Variants in ARHGEF11 observed in about 807,000 individuals in gnomAD.
ARHGEF11 encodes the protein Rho guanine nucleotide exchange factor 11.
A neutral mutation model predicts 193.7 loss-of-function variants in ARHGEF11; 55 were observed. The observed-to-expected ratio is 0.28, with a 90% CI of 0.23 to 0.36. The LOEUF (loss-of-function observed/expected upper bound fraction) is 0.36. ARHGEF11 is among the 10% of genes least tolerant of loss of function. The probability of loss-of-function intolerance (pLI) is 1.00; values close to 1 mark genes in which losing one functional copy is unlikely to be tolerated. For synonymous variants in ARHGEF11, 693 were observed against 768.0 expected, an observed-to-expected ratio of 0.90 and a Z score of 1.62; for missense variants, 1,723 against 2,005.6, an observed-to-expected ratio of 0.86 and a Z score of 2.69.
At chr1:156,982,681 A>G (rs1383881241) in intron 3 of ARHGEF11, among the ~76,000 whole-genome samples, 2 of 152,098 alleles carry the variant, frequency 1.3e-5, no homozygotes, top group Non-Finnish European at 2.9e-5. Context: ...GGTAAAGGAG[A>G]GCTGAACCTT....
At chr1:157,016,618 AG>A (rs1669266616) in intron 1 of ARHGEF11, among the ~76,000 whole-genome samples, 1 of 152,138 alleles carries the variant, frequency 6.6e-6, no homozygotes, top group African/African-American at 2.4e-5. Flanking sequence ...TGTATTTTTA[AG>A]CGTTTTCATC....
intron 1 of ARHGEF11, among the ~76,000 whole-genome samples, chr1:157,016,424 T>C (rs1056185711): frequency 5.3e-5 from 8 of 152,164 alleles, no homozygotes; most frequent in Non-Finnish European, 1.0e-4. Context: ...TTCACCATGT[T>C]GGCTAGGCTG....
At chr1:157,042,613 T>C (rs571474019) in intron 1 of ARHGEF11, among the ~76,000 whole-genome samples, 34 of 152,202 alleles carry the variant, frequency 2.2e-4, no homozygotes, top group African/African-American at 8.2e-4. Flanking sequence ...GAGATTCAAA[T>C]GAGATATGTT....
intron 21 of ARHGEF11, 70 bp from the exon 22 acceptor site, chr1:156,951,769 C>G (rs1050583336): frequency 1.3e-6 from 2 of 1,593,868 alleles, no homozygotes; most frequent in African/African-American, 2.7e-5. Flanking sequence ...CTTGGACTTC[C>G]CCAGATCCCA....
In ARHGEF11 at chr1:156,947,953, G is replaced by A; in HGVS notation, c.2157C>T (p.Ser719=). 1 of 1,612,418 alleles carries A rather than the reference G, an allele frequency of 6.2e-7. No homozygotes were observed. Among genetic ancestry groups the A allele is most frequent in the Non-Finnish European group, 8.5e-7 (1 of 1,178,658 alleles). Residue 719 remains serine (S), a synonymous_variant, in exon 25 of 41, where the codon AGC becomes AGT. Transcript: ENST00000368194. ...AGAACCCCAAACTGGGGGACTCAAT[G>A]CTCCTGGGGGAAAACAGGCAGCTCA... ...PPFTPKMGRR[S]IESPSLGFCT...
chr1:156,991,538 T>TAGA (rs1207050173), intron 1 of ARHGEF11, among the ~76,000 whole-genome samples: 1 of 152,152 alleles, frequency 6.6e-6, no homozygotes, highest in Non-Finnish European at 1.5e-5. Context: ...CAGGCTGGTC[T>TAGA]AGAACTCCTG....
intron 25 of ARHGEF11, 39 bp from the exon 26 acceptor site, chr1:156,947,489 G>T: frequency 6.5e-7 from 1 of 1,540,878 alleles, no homozygotes. Flanking sequence ...GAAAGCCAGG[G>T]AGAAAACGGA....
In ARHGEF11 at chr1:156,983,865, T is replaced by C. The variant is rs146474737; in HGVS notation, c.223+474A>G. Among the ~76,000 whole-genome samples, 514 of 152,354 alleles carry C rather than the reference T, an allele frequency of 3.4e-3. 2 individuals are homozygous for C. The highest frequency in any genetic ancestry group is 0.011 in the African/African-American group (448 of 41,578). ...TCACATCCAACATATATCATTCATC[T>C]GTTGGTAATTTATTATTTAATGTTA... On this transcript the variant is annotated intron_variant, in intron 3 of 40. Transcript: ENST00000368194.
intron 22 of ARHGEF11, among the ~76,000 whole-genome samples, chr1:156,950,778 T>C (rs1658967675): frequency 1.3e-5 from 2 of 152,240 alleles, no homozygotes; most frequent in South Asian, 4.1e-4. Context: ...GGCTTGACTG[T>C]ACACAAGCAT....
rs1327921962 is a variant in ARHGEF11 at position 156,941,986 on chromosome 1, C to A, written c.3330G>T (p.Trp1110Cys). Residue 1110 changes from tryptophan (W) to cysteine (C), a missense_variant, in exon 34 of 41, where the codon TGG becomes TGT. Transcript: ENST00000368194. The part of the protein sequence containing the change: ...VALTSSDKNT[W>C]MELLEEAVRN... ...GCACGGCCTCTTCTAAGAGCTCCAT[C>A]CATCTGTTGCTCGGCAGGAACAGAG... 1 of 1,614,136 alleles carries A rather than the reference C, an allele frequency of 6.2e-7. No homozygotes were observed. The highest frequency in any genetic ancestry group is 1.7e-5 in the Admixed American group (1 of 60,028).
rs114986151 is a variant in ARHGEF11, at chr1:156,993,722, G to C, written c.33-7549C>G. On this transcript the variant is annotated intron_variant, in intron 1 of 40. Coordinates refer to ENST00000368194, the MANE Select transcript of ARHGEF11 (RefSeq NM_198236.3). ...TTTCTATGGATTCTGCCTCCGGGTA[G>C]AATTTTCCCTCTGGTCTGAGGCTGG... Among the ~76,000 whole-genome samples, 816 of 152,312 alleles carry C rather than the reference G, an allele frequency of 5.4e-3. 6 individuals are homozygous for C. Among genetic ancestry groups the C allele is most frequent in the African/African-American group, 0.019 (784 of 41,562 alleles).
In ARHGEF11 at chr1:156,948,189, CATTTTGGGAGTGAAT is replaced by C; in HGVS notation, c.2130_2144del (p.Phe711_Met715del). On this transcript the variant is annotated inframe_deletion, in exon 24 of 41. Coordinates refer to ENST00000368194, the MANE Select transcript of ARHGEF11 (RefSeq NM_198236.3). The surrounding 1 kb of genome is among the most constrained non-coding windows in gnomAD (Gnocchi z 4.2). ...CCGTGCCCATCACTTACCTGCGGCC[CATTTTGGGAGTGAAT>C]GGAGGGGTTGGGTTCTCAAGAGACC... 4 of 1,568,884 alleles carry C rather than the reference CATTTTGGGAGTGAAT, an allele frequency of 2.5e-6. No homozygotes were observed. In the South Asian group the frequency reaches 3.6e-5, roughly 14 times the overall value.
At chr1:157,020,655 CAG>C (rs1669858026) in intron 1 of ARHGEF11, among the ~76,000 whole-genome samples, 1 of 152,208 alleles carries the variant, frequency 6.6e-6, no homozygotes, top group Non-Finnish European at 1.5e-5. Flanking sequence ...TCAGCAAAGA[CAG>C]ATAATTTTTA....
At chr1:156,950,804 A>AGT (rs1658975830) in intron 22 of ARHGEF11, among the ~76,000 whole-genome samples, 1 of 152,162 alleles carries the variant, frequency 6.6e-6, no homozygotes, top group South Asian at 2.1e-4. Flanking sequence ...CCCCCCACAC[A>AGT]AGACCATATT....
intron 3 of ARHGEF11, among the ~76,000 whole-genome samples, chr1:156,983,531 C>G (rs532693350): frequency 6.6e-6 from 1 of 152,198 alleles, no homozygotes; most frequent in African/African-American, 2.4e-5. Context: ...CACCCATCGC[C>G]TTTTTGATTG....
At chr1:156,999,495 A>G (rs911608901) in intron 1 of ARHGEF11, among the ~76,000 whole-genome samples, 1 of 152,072 alleles carries the variant, frequency 6.6e-6, no homozygotes, top group Non-Finnish European at 1.5e-5. Flanking sequence ...CCCAGGCAGA[A>G]CTACATCCCT....
chr1:157,002,269 G>C (rs184348147), intron 1 of ARHGEF11, among the ~76,000 whole-genome samples: 1 of 152,272 alleles, frequency 6.6e-6, no homozygotes, highest in Admixed American at 6.5e-5. Context: ...TCCAGGAAAT[G>C]AACCTGGATT....
rs1660346499 is a variant in ARHGEF11 at position 156,958,870 on chromosome 1, C to G, written c.1380-6G>C. 1 of 1,613,912 alleles carries G rather than the reference C, an allele frequency of 6.2e-7. No homozygotes were observed. On this transcript the variant is annotated splice_polypyrimidine_tract_variant and splice_region_variant and intron_variant, in intron 16 of 40. Coordinates refer to ENST00000368194, the MANE Select transcript of ARHGEF11 (RefSeq NM_198236.3). ...GCCCCAGTGTGCGCTTCGTTCTAAG[C>G]CAGATAAACACAGGGAAAGAAAGAA...
At chr1:156,999,007 C>A (rs577544984) in intron 1 of ARHGEF11, among the ~76,000 whole-genome samples, 2 of 152,134 alleles carry the variant, frequency 1.3e-5, no homozygotes, top group Non-Finnish European at 2.9e-5. Context: ...GAGAGCAAAG[C>A]CACAGGAAGG....
Sources: allele counts gnomAD v4.1 joint callset (sites outside exome capture counted in the v4.1 genomes callset), GRCh38; gene constraint gnomAD v4.1.1; non-coding constraint Gnocchi (gnomAD v3.1); transcripts MANE v1.5; gene names NCBI Gene and HGNC (gene_info 2026-07-23, HGNC 2026-07-21).